BFAR: variants seen among roughly 807,000 people sequenced by gnomAD.
BFAR encodes the protein RING finger protein 47.
In BFAR, 52 loss-of-function variants were observed where a neutral mutation model predicts 54.4. The observed-to-expected ratio is 0.96, with a 90% CI of 0.77 to 1.21. The LOEUF is 1.21. Among genes scored for constraint, BFAR ranks in the 50% most tolerant of loss-of-function variants. The pLI is 0.00. For synonymous variants in BFAR, 215 were observed against 204.3 expected (o/e 1.05, Z -0.45); for missense variants, 571 against 534.0 (o/e 1.07, Z -0.68).
chr16:14,661,724 T>C (rs1053163105), intron 5 of BFAR, among the ~76,000 whole-genome samples, 168 bp from the exon 6 acceptor site: 4 of 152,190 alleles, frequency 2.6e-5, no homozygotes, highest in African/African-American at 9.6e-5. Context: ...CTTTATACAA[T>C]GTAACCCCAA....
chr16:14,648,352 A>G, intron 2 of BFAR, 36 bp from the exon 3 acceptor site: 1 of 1,540,420 alleles, frequency 6.5e-7, no homozygotes, highest in South Asian at 1.1e-5. Flanking sequence ...ATTTAGTCAA[A>G]CAACTGTCTT....
chr16:14,662,603 T>C (rs1473838340), intron 6 of BFAR, among the ~76,000 whole-genome samples: 1 of 152,122 alleles, frequency 6.6e-6, no homozygotes, highest in Non-Finnish European at 1.5e-5. Flanking sequence ...CACTGCAGCC[T>C]CGACCTCCTG....
intron 2 of BFAR, 139 bp downstream of exon 2, chr16:14,644,748 C>A (rs1959739401): frequency 1.2e-5 from 13 of 1,084,716 alleles, no homozygotes; most frequent in Non-Finnish European, 1.7e-5. Flanking sequence ...CTCAAGTGAT[C>A]CTCCCACTTC....
At chr16:14,663,452 C>G (rs1960350422) in intron 6 of BFAR, among the ~76,000 whole-genome samples, 1 of 152,136 alleles carries the variant, frequency 6.6e-6, no homozygotes, top group Non-Finnish European at 1.5e-5. Context: ...CTGCCTCAGC[C>G]TCCTGAGTAG....
rs376735482 is a variant in BFAR at position 14,662,050 on chromosome 16, C to T, written c.942C>T (p.Ile314=). 3.3e-5 allele frequency: 54 copies of T among 1,614,014 alleles called. No individual in the cohort carries two copies. The highest frequency in any genetic ancestry group is 4.3e-5 in the Non-Finnish European group (51 of 1,180,022). ...PLQEDSSGED[I]VTKLLDLKEP... Reference sequence around the variant, plus strand: ...AAGAAGACAGCTCTGGGGAGGACATCGTCACCAAGCTTCTGGTAGGTCTGC... The same window carrying T: ...AAGAAGACAGCTCTGGGGAGGACATTGTCACCAAGCTTCTGGTAGGTCTGC... The change falls in exon 6 of 8, where the codon ATC becomes ATT. Residue 314 remains isoleucine, a synonymous_variant. Coordinates refer to ENST00000261658, the MANE Select transcript of BFAR (RefSeq NM_016561.3).
intron 1 of BFAR, among the ~76,000 whole-genome samples, chr16:14,636,079 T>G (rs973247702): frequency 6.6e-6 from 1 of 152,230 alleles, no homozygotes; most frequent in South Asian, 2.1e-4. Context: ...TTCTGTAGTA[T>G]TCTGCTGGTA....
intron 6 of BFAR, among the ~76,000 whole-genome samples, chr16:14,663,243 A>G (rs916953006): frequency 6.6e-6 from 1 of 152,106 alleles, no homozygotes; most frequent in Non-Finnish European, 1.5e-5. Context: ...TGCCCTCCCA[A>G]AGTGTTGGGA....
chr16:14,635,196 A>T (rs1437199576), intron 1 of BFAR, among the ~76,000 whole-genome samples: 1 of 152,118 alleles, frequency 6.6e-6, no homozygotes, highest in African/African-American at 2.4e-5. Context: ...TTAGCTGGGC[A>T]TGGTGGTGGA....
intron 5 of BFAR, among the ~76,000 whole-genome samples, chr16:14,656,201 C>CA (rs112150078): frequency 1.5e-4 from 22 of 142,022 alleles, no homozygotes; most frequent in African/African-American, 2.3e-4. Flanking sequence ...GACTCCGTCC[C>CA]AAAAAAAAAA....
rs1242106451 is a variant in BFAR, at chr16:14,637,344, C to CT, written c.-74+4329dup. Among the ~76,000 whole-genome samples, 8 of 151,982 alleles carry CT rather than the reference C, an allele frequency of 5.3e-5. No individual in the cohort carries two copies. The East Asian group carries it at 1.4e-3, about 26-fold the overall frequency. ...GATAATGGCGTATTAGGAAGACAGG[C>CT]TTTAAGTCAGACCATGATTTTTTTT... is the stretch of plus-strand genomic sequence containing the variant. On this transcript the variant is annotated intron_variant, in intron 1 of 7. Transcript: ENST00000261658.
chr16:14,649,779 TAA>T, intron 3 of BFAR, 23 bp from the exon 4 acceptor site: 6 of 1,572,788 alleles, frequency 3.8e-6, no homozygotes, highest in Non-Finnish European at 5.2e-6. Flanking sequence ...CTCCATGGTT[TAA>T]AGTCCCTGTC....
chr16:14,650,217 C>G (rs1959930438), intron 4 of BFAR: 1 of 335,966 alleles, frequency 3.0e-6, no homozygotes, highest in Non-Finnish European at 5.4e-6. Context: ...GTAATCCCAT[C>G]TATTCGGGAG....
chr16:14,663,880 T>C (rs1389672895), intron 6 of BFAR, among the ~76,000 whole-genome samples: 1 of 152,148 alleles, frequency 6.6e-6, no homozygotes, highest in Non-Finnish European at 1.5e-5. Flanking sequence ...TGCTTTTTTT[T>C]TTCTGAGCTT....
chr16:14,649,136 C>T (rs1405073887), intron 3 of BFAR, among the ~76,000 whole-genome samples: 1 of 139,630 alleles, frequency 7.2e-6, no homozygotes, highest in Non-Finnish European at 1.5e-5. Flanking sequence ...AGTGCGGTGG[C>T]ATGATCTCGG....
At chr16:14,646,262 A>C (rs1432337198) in intron 2 of BFAR, among the ~76,000 whole-genome samples, 1 of 152,086 alleles carries the variant, frequency 6.6e-6, no homozygotes, top group Non-Finnish European at 1.5e-5. Flanking sequence ...CATGTTGATG[A>C]GGCTAGTCTC....
chr16:14,649,968 T>C lies in BFAR; in HGVS notation c.633T>C (p.Asn211=). The C allele has an allele frequency of 6.2e-7, 1 of 1,606,012 alleles. No homozygotes were observed. The highest frequency in any genetic ancestry group is 2.2e-5 in the East Asian group (1 of 44,614). ...AAAGGTTTTTATCTGAACGAGTAAA[T>C]GGAAGGTGAGGAGCAAAGTCTTCTG... ...YRERFLSERV[N]GRLLLTLTEE... is the part of the protein sequence containing the mutation. The change falls in exon 4 of 8, where the codon AAT becomes AAC. Residue 211 remains asparagine (N), a synonymous_variant. Coordinates refer to ENST00000261658, the MANE Select transcript of BFAR (RefSeq NM_016561.3).
chr16:14,640,860 C>G (rs147964316), intron 1 of BFAR, among the ~76,000 whole-genome samples: 38 of 152,306 alleles, frequency 2.5e-4, no homozygotes, highest in African/African-American at 7.2e-4. Flanking sequence ...ATGGACGTAC[C>G]ATACACAAAC....
chr16:14,648,591 C>T lies in BFAR; in HGVS notation c.467C>T (p.Ala156Val), dbSNP rs997044544. Residue 156 changes from alanine to valine, a missense_variant and splice_region_variant, in exon 3 of 8, where the codon GCA becomes GTA. Transcript: ENST00000261658. ...GTGCTCACAGCTTTAACTGGAGTGGCAGTAAGTTGATCACTGTGTTCCTCT... is the reference window on the plus strand; with the variant it reads ...GTGCTCACAGCTTTAACTGGAGTGGTAGTAAGTTGATCACTGTGTTCCTCT... ...SGVLTALTGV[A>V]VVLLVYHWSS... 6.2e-7 allele frequency: 1 copy of T among 1,611,964 alleles called. No homozygotes were observed. The highest frequency in any genetic ancestry group is 2.2e-5 in the East Asian group (1 of 44,844).
intron 7 of BFAR, 63 bp downstream of exon 7, chr16:14,665,134 A>T: frequency 7.0e-7 from 1 of 1,432,158 alleles, no homozygotes; most frequent in South Asian, 1.2e-5. Flanking sequence ...TGAGAGAAAG[A>T]TCCTCTTTTA....
Sources: gnomAD v4.1 joint callset for allele counts (sites outside exome capture counted in the v4.1 genomes callset) on GRCh38, gnomAD v4.1.1 for gene constraint, MANE v1.5 for transcripts, NCBI Gene and HGNC (gene_info 2026-07-23, HGNC 2026-07-21) for gene names.